ZNF697: variants seen among roughly 807,000 people sequenced by gnomAD.
ZNF697 encodes zinc finger protein 697.
A neutral mutation model predicts 32.4 loss-of-function variants in ZNF697; 23 were observed. The ratio of observed to expected loss-of-function variants is 0.71; its 90% confidence interval spans 0.51 to 1.01. The LOEUF is 1.01. Ranked by LOEUF, ZNF697 falls within the 50% of genes least tolerant of loss-of-function variation. The pLI, the probability that ZNF697 is intolerant of heterozygous loss-of-function variation, is 0.00. For missense variants in ZNF697, 930 were observed against 794.0 expected, an observed-to-expected ratio of 1.17 and a Z score of -2.06; for synonymous variants, 418 against 337.2, an observed-to-expected ratio of 1.24 and a Z score of -2.62.
intron 1 of ZNF697, among the ~76,000 whole-genome samples, chr1:119,635,490 C>G (rs974882247): frequency 6.6e-6 from 1 of 152,082 alleles, no homozygotes; most frequent in Non-Finnish European, 1.5e-5. Context: ...TCCTGCCCAC[C>G]AGAACTTGTT....
intron 1 of ZNF697, among the ~76,000 whole-genome samples, chr1:119,626,774 A>T (rs1648603434): frequency 6.6e-6 from 1 of 152,262 alleles, no homozygotes; most frequent in African/African-American, 2.4e-5. Context: ...GTGAGGATCT[A>T]CTTTGCAGGG....
chr1:119,644,806 G>T (rs587760354), intron 1 of ZNF697, among the ~76,000 whole-genome samples: 1 of 152,322 alleles, frequency 6.6e-6, no homozygotes, highest in Admixed American at 6.5e-5. Flanking sequence ...CTAAATTGTA[G>T]TGTCTTTGGG....
At chr1:119,645,298 AT>A (rs143588571) in intron 1 of ZNF697, among the ~76,000 whole-genome samples, 1 of 152,066 alleles carries the variant, frequency 6.6e-6, no homozygotes, top group Non-Finnish European at 1.5e-5. Context: ...GATAATTAAG[AT>A]TTTTTTTATC....
chr1:119,622,401 C>T lies in ZNF697; in HGVS notation c.*304G>A. On this transcript the variant is annotated 3_prime_UTR_variant, in exon 3 of 3. Transcript: ENST00000421812. Reference sequence around the variant, plus strand: ...TCCTGTTCCCACCCCAGCCCACGAACTGCCCTTCCTCAAAGTGCCTGGTCC... The same window carrying T: ...TCCTGTTCCCACCCCAGCCCACGAATTGCCCTTCCTCAAAGTGCCTGGTCC... 1 of 298,250 alleles carries T rather than the reference C, an allele frequency of 3.4e-6. No individual in the cohort carries two copies. The highest frequency in any genetic ancestry group is 5.6e-5 in the Admixed American group (1 of 17,794). 18.5% of individuals were successfully genotyped at this position (298,250 alleles called of 1,614,324 possible).
At chr1:119,628,174 T>C (rs1458485229) in intron 1 of ZNF697, among the ~76,000 whole-genome samples, 1 of 152,052 alleles carries the variant, frequency 6.6e-6, no homozygotes, top group Non-Finnish European at 1.5e-5. Flanking sequence ...CATCAGAATC[T>C]CATAAAACTA....
chr1:119,633,577 G>A (rs1342203761), intron 1 of ZNF697, among the ~76,000 whole-genome samples: 1 of 152,086 alleles, frequency 6.6e-6, no homozygotes, highest in East Asian at 1.9e-4. Flanking sequence ...ATTGGATGAG[G>A]CCCACCCACA....
At chr1:119,632,762 C>T (rs587613715) in intron 1 of ZNF697, among the ~76,000 whole-genome samples, 269 of 152,286 alleles carry the variant, frequency 1.8e-3, no homozygotes, top group Non-Finnish European at 3.5e-3. Context: ...CCTAAGTGCC[C>T]TCAAAGTTAG....
chr1:119,626,208 T>C, intron 1 of ZNF697, 71 bp from the exon 2 acceptor site: 1 of 1,519,370 alleles, frequency 6.6e-7, no homozygotes, highest in South Asian at 1.3e-5. Flanking sequence ...CAGCCTTAAT[T>C]TCCAATTCTA....
At position 119,622,577 on chromosome 1, in the gene ZNF697, A is replaced by AC. The variant is rs1648367719; in HGVS notation, c.*127dup. 7.0e-7 allele frequency: 1 copy of AC among 1,419,582 alleles called. No homozygotes were observed. The allele number at this position is 1,419,582 out of a possible 1,614,324, so 87.9% of individuals were successfully genotyped here. A position where few individuals can be genotyped will look rare whatever the true frequency, so the allele number is the denominator to read the frequency against. Reference sequence around the variant, plus strand: ...CCTCCCACTTCAGGAAACCCCAAACACCAAAGGCTCCCCAGTCACTCTCAG... The same window carrying AC: ...CCTCCCACTTCAGGAAACCCCAAACACCCAAAGGCTCCCCAGTCACTCTCAG... On this transcript the variant is annotated 3_prime_UTR_variant, in exon 3 of 3. Coordinates refer to ENST00000421812, the MANE Select transcript of ZNF697 (RefSeq NM_001080470.2).
intron 1 of ZNF697, among the ~76,000 whole-genome samples, chr1:119,632,981 C>G (rs1181236142): frequency 6.6e-6 from 1 of 152,186 alleles, no homozygotes; most frequent in Non-Finnish European, 1.5e-5. Flanking sequence ...TTTACACCCT[C>G]AGTTGTTTTG....
chr1:119,637,044 T>C (rs1019669891), intron 1 of ZNF697, among the ~76,000 whole-genome samples: 1 of 152,240 alleles, frequency 6.6e-6, no homozygotes, highest in African/African-American at 2.4e-5. Flanking sequence ...AACCATAACC[T>C]ACCCAGTACA....
chr1:119,623,198 C>G lies in ZNF697; in HGVS notation c.1145G>C (p.Gly382Ala). The change falls in exon 3 of 3, where the codon GGC (glycine) becomes GCC (alanine). Residue 382 changes from glycine (G) to alanine (A), a missense_variant. Physicochemically the swap from Gly to Ala is moderately conservative, Grantham distance 60. Transcript: ENST00000421812. ...GAAGCGCTTGCCGCACTCGCCACAG[C>G]CGTGCGGCTTCTCGCCCGTGTGGAT... The part of the protein sequence containing the change: ...QRIHTGEKPH[G>A]CGECGKRFSW... 6.4e-7 allele frequency: 1 copy of G among 1,553,974 alleles called. No individual in the cohort carries two copies. Among genetic ancestry groups the G allele is most frequent in the South Asian group, 1.2e-5 (1 of 85,820 alleles).
rs60283961 is a variant in ZNF697, at chr1:119,632,328, A to T, written c.-37-6191T>A. 1.0e-3 allele frequency among the ~76,000 whole-genome samples: 153 copies of T among 152,308 alleles called. No individual in the cohort carries two copies. The East Asian group carries it at 0.014, about 14-fold the overall frequency. ...CCCAACCCAAAATGCCAGCCACCCA[A>T]GTGGCAGACTGCTGCGTGAGGGTGA... On this transcript the variant is annotated intron_variant, in intron 1 of 2. Transcript: ENST00000421812.
intron 1 of ZNF697, among the ~76,000 whole-genome samples, chr1:119,633,261 C>CA (rs925567419): frequency 1.3e-5 from 2 of 152,022 alleles, no homozygotes; most frequent in African/African-American, 4.8e-5. Context: ...AACACATCTT[C>CA]AAAAAATAGC....
chr1:119,639,391 C>T (rs966321664), intron 1 of ZNF697, among the ~76,000 whole-genome samples: 2 of 152,186 alleles, frequency 1.3e-5, no homozygotes, highest in Non-Finnish European at 2.9e-5. Context: ...TAAGCACAGA[C>T]TCCAAGTCAT....
At position 119,620,918 on chromosome 1, in the gene ZNF697, T is replaced by A. The variant is rs1421614331; in HGVS notation, c.*1787A>T. The A allele has an allele frequency of 2.0e-5, 3 of 150,386 alleles. No individual in the cohort carries two copies. Among genetic ancestry groups the A allele is most frequent in the Non-Finnish European group, 4.4e-5 (3 of 68,024 alleles). 9.3% of individuals were successfully genotyped at this position (150,386 alleles called of 1,614,324 possible). ...CCCTTCCACTGTGTCTGATATTTTG[T>A]GAAGATGCTTCCATGAAATGTGTAG... On this transcript the variant is annotated 3_prime_UTR_variant, in exon 3 of 3. Coordinates refer to ENST00000421812, the MANE Select transcript of ZNF697 (RefSeq NM_001080470.2).
chr1:119,622,796 G>C lies in ZNF697; in HGVS notation c.1547C>G (p.Thr516Arg), dbSNP rs1268649653. The C allele has an allele frequency of 3.6e-5, 58 of 1,600,336 alleles. No homozygotes were observed. The highest frequency in any genetic ancestry group is 4.3e-5 in the Non-Finnish European group (51 of 1,173,700). ...CGCACACTTGTGCGGCTTGTTGCCC[G>C]TGTGGATGCGGCGGTGGCGGATCAG... is the stretch of plus-strand genomic sequence containing the variant. ...SHLIRHRRIHTGNKPHKCAGC... is the reference protein window; with the variant it reads ...SHLIRHRRIHRGNKPHKCAGC... The change falls in exon 3 of 3, where the codon ACG (threonine) becomes AGG (arginine). Residue 516 changes from threonine to arginine, a missense_variant. Coordinates refer to ENST00000421812, the MANE Select transcript of ZNF697 (RefSeq NM_001080470.2).
chr1:119,644,417 A>C (rs347910), intron 1 of ZNF697, among the ~76,000 whole-genome samples: 119,351 of 152,168 alleles, frequency 0.78, 47,432 homozygotes, highest in East Asian at 0.96. Context: ...ATGCTTTTAG[A>C]AGCACAACAT....
In ZNF697 at chr1:119,623,865, G is replaced by GGGC. The variant is rs1344873694; in HGVS notation, c.475_477dup (p.Ala159dup). 3.2e-6 allele frequency: 5 copies of GGGC among 1,541,666 alleles called. No homozygotes were observed. The highest frequency in any genetic ancestry group is 4.4e-6 in the Non-Finnish European group (5 of 1,141,090). ...TGGTGGAGCCGGTGGAAGCGGCGGTGGGCGGGCTTGTCACCTCGGTGCCGA... is the reference window on the plus strand; with the variant it reads ...TGGTGGAGCCGGTGGAAGCGGCGGTGGGCGGCGGGCTTGTCACCTCGGTGCCGA... On this transcript the variant is annotated inframe_insertion, in exon 3 of 3. Transcript: ENST00000421812.
Sources: allele counts gnomAD v4.1 joint callset (sites outside exome capture counted in the v4.1 genomes callset), GRCh38; gene constraint gnomAD v4.1.1; transcripts MANE v1.5; gene names NCBI Gene and HGNC (gene_info 2026-07-23, HGNC 2026-07-21).